Variants in PCDHGA6 observed in about 807,000 individuals in gnomAD.
The protein encoded by PCDHGA6 is protocadherin gamma subfamily A, 6.
PCDHGA6 carries 41 observed loss-of-function variants against 60.6 expected under a neutral mutation model. The observed-to-expected ratio is 0.68, with a 90% CI of 0.53 to 0.88. The LOEUF (loss-of-function observed/expected upper bound fraction) is 0.88. PCDHGA6 is among the 40% of genes least tolerant of loss of function. The pLI is 0.00. For synonymous variants in PCDHGA6, 594 were observed against 524.4 expected, an observed-to-expected ratio of 1.13 and a Z score of -1.81; for missense variants, 1,312 against 1,203.0, an observed-to-expected ratio of 1.09 and a Z score of -1.34.
rs1771007417 is a variant in PCDHGA6, at chr5:141,374,980, A to G, written c.897A>G (p.Gly299=). ...TTTTCTGTTTGAATGTTTTGACTGG[A>G]GAAATTTCAACTTCTGCAAATCTAG... ...SQIFCLNVLT[G]EISTSANLDY... The change falls in exon 1 of 4, where the codon GGA becomes GGG. Residue 299 remains glycine, a synonymous_variant. Transcript: ENST00000517434. 3 of 1,613,920 alleles carry G rather than the reference A, an allele frequency of 1.9e-6. No homozygotes were observed. The Admixed American group carries it at 5.0e-5, about 27-fold the overall frequency.
rs148279287 is a variant in PCDHGA6 at position 141,389,277 on chromosome 5, C to T, written c.2424+12770C>T. ...AGTCCACGTGGCCGAGAACAACCCG[C>T]CTGGAGCCTCTATTTCACAAGTCAG... On this transcript the variant is annotated intron_variant, in intron 1 of 3. Transcript: ENST00000517434. 7,343 of 1,614,014 alleles carry T rather than the reference C, an allele frequency of 4.5e-3. 34 individuals are homozygous for T. Among genetic ancestry groups the T allele is most frequent in the Middle Eastern group, 0.015 (93 of 6,062 alleles).
intron 1 of PCDHGA6, among the ~76,000 whole-genome samples, chr5:141,492,802 G>A (rs1490284966): frequency 6.6e-6 from 1 of 152,234 alleles, no homozygotes; most frequent in Non-Finnish European, 1.5e-5. Flanking sequence ...GCAGGACTGG[G>A]ACTCCAGTGG....
chr5:141,422,543 T>C lies in PCDHGA6; in HGVS notation c.2424+46036T>C, dbSNP rs2096655736. 1 of 1,613,882 alleles carries C rather than the reference T, an allele frequency of 6.2e-7. No homozygotes were observed. Among genetic ancestry groups the C allele is most frequent in the African/African-American group, 1.3e-5 (1 of 74,928 alleles). Reference sequence around the variant, plus strand: ...CCGCCTTTGTCTGCAGAAACTCATGTCTGGCTGAATGTGGCAGATGACAAC... The same window carrying C: ...CCGCCTTTGTCTGCAGAAACTCATGCCTGGCTGAATGTGGCAGATGACAAC... On this transcript the variant is annotated intron_variant, in intron 1 of 3. Coordinates refer to ENST00000517434, the MANE Select transcript of PCDHGA6 (RefSeq NM_018919.3).
intron 2 of PCDHGA6, among the ~76,000 whole-genome samples, chr5:141,504,078 CCAAA>C (rs1272625151): frequency 6.6e-6 from 1 of 152,078 alleles, no homozygotes; most frequent in South Asian, 2.1e-4. Context: ...CCAGATGGTG[CCAAA>C]CAGTTACCTA....
At chr5:141,503,325 G>A (rs1002520312) in intron 2 of PCDHGA6, among the ~76,000 whole-genome samples, 10 of 152,104 alleles carry the variant, frequency 6.6e-5, no homozygotes, top group East Asian at 1.9e-4. Flanking sequence ...GGAGGGGCGC[G>A]GTGGCTCACG....
rs542816387 is a variant in PCDHGA6, at chr5:141,394,624, T to G, written c.2424+18117T>G. ...AGAGACTCGGGCCAGAACGCCTGGC[T>G]GTCCTACCGCCTGCTCAAGGCCAGC... On this transcript the variant is annotated intron_variant, in intron 1 of 3. Transcript: ENST00000517434. 2.5e-6 allele frequency: 4 copies of G among 1,613,110 alleles called. No individual in the cohort carries two copies. The South Asian group carries it at 3.3e-5, about 13-fold the overall frequency.
At chr5:141,418,481 C>G (rs1438009750) in intron 1 of PCDHGA6, 1 of 1,614,006 alleles carries the variant, frequency 6.2e-7, no homozygotes, top group Admixed American at 1.7e-5. Context: ...GCAGAGCGCT[C>G]ACCACTTGGT....
At chr5:141,440,868 T>A (rs1288344051) in intron 1 of PCDHGA6, 1 of 152,150 alleles carries the variant, frequency 6.6e-6, no homozygotes, top group East Asian at 1.9e-4. Flanking sequence ...ATCTAGGATG[T>A]GTACAGCGTC....
At chr5:141,427,863 G>A (rs769808388) in intron 1 of PCDHGA6, 1 of 1,557,316 alleles carries the variant, frequency 6.4e-7, no homozygotes, top group Non-Finnish European at 8.8e-7. Context: ...GTGCGCCTTC[G>A]AGCTCACGAT....
At chr5:141,461,963 C>T (rs1396490046) in intron 1 of PCDHGA6, among the ~76,000 whole-genome samples, 1 of 152,084 alleles carries the variant, frequency 6.6e-6, no homozygotes, top group Non-Finnish European at 1.5e-5. Flanking sequence ...AGCTGGGATT[C>T]CAGGCATATG....
intron 1 of PCDHGA6, chr5:141,383,406 T>C (rs780989648): frequency 6.2e-7 from 1 of 1,613,748 alleles, no homozygotes; most frequent in Admixed American, 1.7e-5. Context: ...CCCTCCAGAG[T>C]TACCAGCTCA....
chr5:141,390,052 G>C (rs2092030783), intron 1 of PCDHGA6: 1 of 1,613,960 alleles, frequency 6.2e-7, no homozygotes, highest in Non-Finnish European at 8.5e-7. Context: ...GCCTCCTGGA[G>C]CTGCTTCCAG....
intron 1 of PCDHGA6, chr5:141,379,639 A>G (rs1775719450): frequency 6.6e-6 from 1 of 152,198 alleles, no homozygotes; most frequent in African/African-American, 2.4e-5. Context: ...CTCTGATGGA[A>G]AAACTACCAA....
chr5:141,410,623 G>A (rs2154543147), intron 1 of PCDHGA6: 1 of 1,603,052 alleles, frequency 6.2e-7, no homozygotes, highest in Non-Finnish European at 8.5e-7. Flanking sequence ...TGACTTCGGT[G>A]AGTTTCTCTT....
At chr5:141,418,130 G>A in intron 1 of PCDHGA6, 3 of 1,614,106 alleles carry the variant, frequency 1.9e-6, no homozygotes, top group Non-Finnish European at 2.5e-6. Flanking sequence ...GGACCGAATA[G>A]ACCGTGAGCA....
chr5:141,374,038 T>C lies in PCDHGA6; in HGVS notation c.-46T>C, dbSNP rs1253900067. 8.3e-6 allele frequency: 12 copies of C among 1,449,244 alleles called. No homozygotes were observed. Among genetic ancestry groups the C allele is most frequent in the South Asian group, 1.6e-5 (1 of 64,330 alleles). The allele number at this position is 1,449,244 out of a possible 1,614,324, so 89.8% of individuals were successfully genotyped here. Reference sequence around the variant, plus strand: ...GAGAAGAGCAAAAGTGATGCAGATCTGTTCTTCCTCTTCTTAATCCCAGAG... The same window carrying C: ...GAGAAGAGCAAAAGTGATGCAGATCCGTTCTTCCTCTTCTTAATCCCAGAG... On this transcript the variant is annotated 5_prime_UTR_variant, in exon 1 of 4. Transcript: ENST00000517434.
Position 141,491,680 on chromosome 5 carries a change from A to G in PCDHGA6, c.2425-3127A>G. The G allele has an allele frequency of 6.2e-7, 1 of 1,613,304 alleles. No individual in the cohort carries two copies. The highest frequency in any genetic ancestry group is 2.2e-5 in the East Asian group (1 of 44,820). ...TGACGCCATCCGGTCCCGCTCTAATACGCTGCGGGAGCGGAGCCAGGTGAG... is the reference window on the plus strand; with the variant it reads ...TGACGCCATCCGGTCCCGCTCTAATGCGCTGCGGGAGCGGAGCCAGGTGAG... On this transcript the variant is annotated intron_variant, in intron 1 of 3. Transcript: ENST00000517434. The surrounding 1 kb of genome is among the most constrained non-coding windows in gnomAD (Gnocchi z 6.9).
At chr5:141,503,116 A>G (rs1303445673) in intron 2 of PCDHGA6, among the ~76,000 whole-genome samples, 11 of 151,656 alleles carry the variant, frequency 7.3e-5, no homozygotes, top group Admixed American at 4.6e-4. Flanking sequence ...GCCTCTCTTC[A>G]TACCCTCTGG....
Position 141,485,581 on chromosome 5 carries a change from G to C in PCDHGA6, c.2425-9226G>C. The C allele has an allele frequency of 6.2e-7, 1 of 1,612,458 alleles. No individual in the cohort carries two copies. The highest frequency in any genetic ancestry group is 8.5e-7 in the Non-Finnish European group (1 of 1,178,652). ...ATCACGCCCCCCGTTTTCCGCGGCA[G>C]CAGCTGGACTTGGAAATTGGGGAGG... On this transcript the variant is annotated intron_variant, in intron 1 of 3. Coordinates refer to ENST00000517434, the MANE Select transcript of PCDHGA6 (RefSeq NM_018919.3). This position sits in a 1 kb window ranked among gnomAD's most constrained non-coding sequence, Gnocchi z 5.7.
Sources: gnomAD v4.1 joint callset for allele counts (sites outside exome capture counted in the v4.1 genomes callset) on GRCh38, gnomAD v4.1.1 for gene constraint, Gnocchi (gnomAD v3.1) non-coding constraint, MANE v1.5 for transcripts, NCBI Gene and HGNC (gene_info 2026-07-23, HGNC 2026-07-21) for gene names.